PRPF38A: variants seen among roughly 807,000 people sequenced by gnomAD.
The protein encoded by PRPF38A is pre-mRNA processing factor 38A, also known as pre-mRNA-splicing factor 38A.
Under a neutral mutation model 46.8 loss-of-function variants are expected in PRPF38A, and 11 were observed. That is an observed-to-expected ratio of 0.24 (90% confidence interval 0.15 to 0.39). The LOEUF (loss-of-function observed/expected upper bound fraction) is 0.39, where lower values mean the gene tolerates loss of function less well. Among genes scored for constraint, PRPF38A ranks in the 10% least tolerant of loss-of-function variants. PRPF38A has a pLI of 1.00. For synonymous variants in PRPF38A, 124 were observed against 136.2 expected (o/e 0.91, Z 0.62); for missense variants, 261 against 407.5 (o/e 0.64, Z 3.10).
Position 52,413,907 on chromosome 1 carries a change from G to A in PRPF38A, c.638G>A (p.Arg213His), listed in dbSNP as rs756843796. 5.6e-6 allele frequency: 9 copies of A among 1,613,398 alleles called. No individual in the cohort carries two copies. The highest frequency in any genetic ancestry group is 1.6e-4 in the Middle Eastern group (1 of 6,076). ...KLERVPSPDH[R>H]RRSYRDLDKP... Reference sequence around the variant, plus strand: ...GAAAGAGTGCCATCACCTGATCACCGCCGGAGAAGCTACCGAGACTTGGAC... The same window carrying A: ...GAAAGAGTGCCATCACCTGATCACCACCGGAGAAGCTACCGAGACTTGGAC... The change falls in exon 6 of 10, where the codon CGC becomes CAC. Residue 213 changes from arginine (R) to histidine (H), a missense_variant. Physicochemically the swap from Arg to His is conservative, Grantham distance 29. Coordinates refer to ENST00000257181, the MANE Select transcript of PRPF38A (RefSeq NM_032864.4).
At chr1:52,415,428 A>C (rs902398534) in intron 9 of PRPF38A, 42 bp downstream of exon 9, 4 of 1,539,350 alleles carry the variant, frequency 2.6e-6, no homozygotes, top group African/African-American at 1.4e-5. Flanking sequence ...GAAATAGTCC[A>C]AATTACAACT....
rs1412579195 is a variant in PRPF38A, at chr1:52,412,521, A to G, written c.506A>G (p.Tyr169Cys). The G allele has an allele frequency of 2.5e-6, 4 of 1,610,272 alleles. No individual in the cohort carries two copies. Among genetic ancestry groups the G allele is most frequent in the South Asian group, 1.1e-5 (1 of 90,960 alleles). Residue 169 changes from tyrosine to cysteine, a missense_variant, in exon 5 of 10, where the codon TAT (tyrosine) becomes TGT (cysteine). Physicochemically the swap from Tyr to Cys is radical, Grantham distance 194. Transcript: ENST00000257181. Reference sequence around the variant, plus strand: ...TCATCATTTTCTCTGTAGAAACGCTATGTATTAGAGGAAGCTGAGCAACTG... The same window carrying G: ...TCATCATTTTCTCTGTAGAAACGCTGTGTATTAGAGGAAGCTGAGCAACTG... ...DIILPRLQKR[Y>C]VLEEAEQLEP...
rs1219767013 is a variant in PRPF38A at position 52,418,646 on chromosome 1, G to A, written c.*1956G>A. The A allele has an allele frequency of 6.6e-6, 1 of 152,154 alleles. No homozygotes were observed. Among genetic ancestry groups the A allele is most frequent in the Non-Finnish European group, 1.5e-5 (1 of 68,030 alleles). The allele number at this position is 152,154 out of a possible 1,614,324, so 9.4% of individuals were successfully genotyped here. A position where few individuals can be genotyped will look rare whatever the true frequency, so the allele number is the denominator to read the frequency against. ...CCCTATTCTTTAATTAGAAGAAGGA[G>A]GTAAGAGTAAGACATGTTGCATGTC... On this transcript the variant is annotated 3_prime_UTR_variant, in exon 10 of 10. Transcript: ENST00000257181.
At chr1:52,406,330 T>A (rs1647995302) in intron 2 of PRPF38A, among the ~76,000 whole-genome samples, 1 of 152,196 alleles carries the variant, frequency 6.6e-6, no homozygotes, top group South Asian at 2.1e-4. Context: ...ATTAATCTTC[T>A]ACTTTACTTT....
At chr1:52,412,735 C>T in intron 5 of PRPF38A, 111 bp downstream of exon 5, 1 of 689,170 alleles carries the variant, frequency 1.5e-6, no homozygotes, top group Admixed American at 2.8e-5. Context: ...CGTGGTCGCT[C>T]AAGCCTGTAA....
Position 52,418,456 on chromosome 1 carries a change from AAT to A in PRPF38A, c.*1769_*1770del, listed in dbSNP as rs1648353594. On this transcript the variant is annotated 3_prime_UTR_variant, in exon 10 of 10. Coordinates refer to ENST00000257181, the MANE Select transcript of PRPF38A (RefSeq NM_032864.4). ...CTCTTAAAATAAAACTTTGTCTTAA[AAT>A]ATGTTTTAAAGTAAAAATAAACCCA... 6.6e-6 allele frequency: 1 copy of A among 152,338 alleles called. No individual in the cohort carries two copies. Among genetic ancestry groups the A allele is most frequent in the African/African-American group, 2.4e-5 (1 of 41,578 alleles). 9.4% of individuals were successfully genotyped at this position (152,338 alleles called of 1,614,324 possible). A position where few individuals can be genotyped will look rare whatever the true frequency, so the allele number is the denominator to read the frequency against.
intron 6 of PRPF38A, 133 bp downstream of exon 6, chr1:52,414,124 A>C (rs578143572): frequency 6.7e-5 from 42 of 631,214 alleles, no homozygotes; most frequent in Non-Finnish European, 1.1e-4. Flanking sequence ...TTGCTGCAAA[A>C]CAACCACCTA....
In PRPF38A at chr1:52,405,587, T is replaced by C; in HGVS notation, c.131-93T>C. The stretch of plus-strand genomic sequence containing the variant: ...CGTTCTCCTAATATTACACTGTTGA[T>C]GTATATTTAGGAGAACCAAAGCTTG... On this transcript the variant is annotated intron_variant, in intron 1 of 9. Coordinates refer to ENST00000257181, the MANE Select transcript of PRPF38A (RefSeq NM_032864.4). 5 of 1,111,704 alleles carry C rather than the reference T, an allele frequency of 4.5e-6. No individual in the cohort carries two copies. The South Asian group carries it at 5.5e-5, about 12-fold the overall frequency. 68.9% of individuals were successfully genotyped at this position (1,111,704 alleles called of 1,614,324 possible).
chr1:52,418,484 C>G lies in PRPF38A; in HGVS notation c.*1794C>G. ...ATGTTTTAAAGTAAAAATAAACCCA[C>G]GCACAAAGCCCAATAAATTTTAGTA... is the stretch of plus-strand genomic sequence containing the variant. On this transcript the variant is annotated 3_prime_UTR_variant, in exon 10 of 10. Transcript: ENST00000257181. 6.6e-6 allele frequency: 1 copy of G among 152,146 alleles called. No individual in the cohort carries two copies. Among genetic ancestry groups the G allele is most frequent in the East Asian group, 1.9e-4 (1 of 5,200 alleles). The allele number at this position is 152,146 out of a possible 1,614,324, so 9.4% of individuals were successfully genotyped here. A position where few individuals can be genotyped will look rare whatever the true frequency, so the allele number is the denominator to read the frequency against.
chr1:52,412,594 C>A lies in PRPF38A; in HGVS notation c.579C>A (p.Ser193=). The change falls in exon 5 of 10, where the codon TCC becomes TCA. Residue 193 remains serine, a synonymous_variant. Coordinates refer to ENST00000257181, the MANE Select transcript of PRPF38A (RefSeq NM_032864.4). ...ALEEDMDDVE[S]SEEEEEEDEK... is the part of the protein sequence containing the mutation. ...AAGAGGACATGGATGATGTGGAGTC[C>A]AGTGAAGAGGAAGAAGAGGAGGATG... 2 of 1,613,314 alleles carry A rather than the reference C, an allele frequency of 1.2e-6. No homozygotes were observed. Among genetic ancestry groups the A allele is most frequent in the Non-Finnish European group, 1.7e-6 (2 of 1,179,354 alleles).
chr1:52,406,648 A>G (rs1648006347), intron 2 of PRPF38A, among the ~76,000 whole-genome samples: 1 of 152,216 alleles, frequency 6.6e-6, no homozygotes. Context: ...CTGCATGGTA[A>G]ACACCTAGAA....
intron 2 of PRPF38A, 99 bp downstream of exon 2, chr1:52,405,938 A>G (rs749108684): frequency 9.0e-6 from 9 of 996,724 alleles, no homozygotes; most frequent in Non-Finnish European, 1.4e-5. Context: ...TCTCATTTCT[A>G]GAGAGTTCCA....
At chr1:52,414,497 C>T in intron 6 of PRPF38A, 124 bp from the exon 7 acceptor site, 1 of 1,015,336 alleles carries the variant, frequency 9.8e-7, no homozygotes, top group Non-Finnish European at 1.5e-6. Flanking sequence ...AGTTACGTGA[C>T]AAAAGACATG....
intron 2 of PRPF38A, among the ~76,000 whole-genome samples, chr1:52,406,335 T>C (rs978965054): frequency 5.9e-5 from 9 of 152,210 alleles, no homozygotes; most frequent in African/African-American, 2.2e-4. Context: ...TCTTCTACTT[T>C]ACTTTCTCAG....
At chr1:52,408,202 T>G in intron 2 of PRPF38A, 1 of 362,184 alleles carries the variant, frequency 2.8e-6, no homozygotes, top group Non-Finnish European at 5.4e-6. Context: ...ATCGTGCCAC[T>G]GCACTGCAGC....
At chr1:52,414,290 G>A (rs993596287) in intron 6 of PRPF38A, among the ~76,000 whole-genome samples, 1 of 152,130 alleles carries the variant, frequency 6.6e-6, no homozygotes, top group African/African-American at 2.4e-5. Context: ...TGGATGACGG[G>A]GGAAATTTCT....
Position 52,414,801 on chromosome 1 carries a change from A to G in PRPF38A, c.789A>G (p.Pro263=). ...GAGAAAGGCATCGGAGCAAGAGTCC[A>G]AGACGTCACCGCAGCAGGTCCCGAG... is the stretch of plus-strand genomic sequence containing the variant. ...PRRERHRSKS[P]RRHRSRSRDR... is the part of the protein sequence containing the mutation. The change falls in exon 8 of 10, where the codon CCA becomes CCG. Residue 263 remains proline, a synonymous_variant. Coordinates refer to ENST00000257181, the MANE Select transcript of PRPF38A (RefSeq NM_032864.4). 1 of 1,614,186 alleles carries G rather than the reference A, an allele frequency of 6.2e-7. No homozygotes were observed. The highest frequency in any genetic ancestry group is 8.5e-7 in the Non-Finnish European group (1 of 1,180,036).
chr1:52,405,580 C>A, intron 1 of PRPF38A, 100 bp from the exon 2 acceptor site: 1 of 1,021,000 alleles, frequency 9.8e-7, no homozygotes, highest in Non-Finnish European at 1.5e-6. Context: ...TAATATTACA[C>A]TGTTGATGTA....
chr1:52,410,567 T>C (rs1341362944), intron 3 of PRPF38A, among the ~76,000 whole-genome samples: 1 of 150,814 alleles, frequency 6.6e-6, no homozygotes, highest in Non-Finnish European at 1.5e-5. Flanking sequence ...AGTGGTGTGG[T>C]CTCAGGTCAC....
Sources: gnomAD v4.1 joint callset for allele counts (sites outside exome capture counted in the v4.1 genomes callset) on GRCh38, gnomAD v4.1.1 for gene constraint, MANE v1.5 for transcripts, NCBI Gene and HGNC (gene_info 2026-07-23, HGNC 2026-07-21) for gene names.